Variants in GRIK2 observed in about 807,000 individuals in gnomAD.
GRIK2 encodes glutamate receptor ionotropic, kainate 2.
GRIK2 carries 32 observed loss-of-function variants against 100.3 expected under a neutral mutation model. That is an observed-to-expected ratio of 0.32 (90% CI 0.24 to 0.43). GRIK2 has a LOEUF of 0.43. Among genes scored for constraint, GRIK2 ranks in the 20% least tolerant of loss-of-function variants. The pLI, the probability that GRIK2 is intolerant of heterozygous loss-of-function variation, is 1.00. For missense variants in GRIK2, 843 were observed against 1,114.9 expected (o/e 0.76, Z 3.47); for synonymous variants, 417 against 389.4 (o/e 1.07, Z -0.83).
rs571052202 is a variant in GRIK2, at chr6:101,785,781, G to C, written c.952-13867G>C. On this transcript the variant is annotated intron_variant, in intron 7 of 16. Transcript: ENST00000369134. ...CTTCAGCTTTTTTTCTTTTTGCTCAGGATTGCTTTGGTTATTCAGGCTGTT... is the reference window on the plus strand; with the variant it reads ...CTTCAGCTTTTTTTCTTTTTGCTCACGATTGCTTTGGTTATTCAGGCTGTT... 2.4e-3 allele frequency among the ~76,000 whole-genome samples: 361 copies of C among 151,872 alleles called. 2 individuals carry two copies. The highest frequency in any genetic ancestry group is 0.013 in the South Asian group (62 of 4,814).
At chr6:101,522,338 A>G (rs2518247) in intron 2 of GRIK2, among the ~76,000 whole-genome samples, 1 of 151,956 alleles carries the variant, frequency 6.6e-6, no homozygotes, top group Non-Finnish European at 1.5e-5. Flanking sequence ...ATTAATCCAG[A>G]TAGGTTATGT....
At chr6:101,979,695 T>C (rs1198589174) in intron 14 of GRIK2, among the ~76,000 whole-genome samples, 2 of 151,970 alleles carry the variant, frequency 1.3e-5, no homozygotes. Flanking sequence ...TCTTCTAGCA[T>C]GCACACCCCC....
chr6:101,823,954 G>A (rs1782141162), intron 10 of GRIK2, among the ~76,000 whole-genome samples: 1 of 148,434 alleles, frequency 6.7e-6, no homozygotes, highest in South Asian at 2.2e-4. Flanking sequence ...TGCAACCTCC[G>A]CCTCCCATGT....
chr6:101,754,382 T>C (rs867453255), intron 7 of GRIK2, among the ~76,000 whole-genome samples: 7 of 152,324 alleles, frequency 4.6e-5, no homozygotes, highest in Middle Eastern at 3.4e-3. Context: ...AACAAAGCTA[T>C]TATGTTGTAG....
At chr6:101,463,475 G>T (rs1029762883) in intron 2 of GRIK2, among the ~76,000 whole-genome samples, 1 of 152,048 alleles carries the variant, frequency 6.6e-6, no homozygotes, top group Admixed American at 6.5e-5. Flanking sequence ...AATATAAATT[G>T]TATTTTTATT....
intron 2 of GRIK2, among the ~76,000 whole-genome samples, chr6:101,616,469 G>T (rs1337421): frequency 1.3e-5 from 2 of 151,588 alleles, no homozygotes; most frequent in African/African-American, 4.8e-5. Flanking sequence ...ATTTTGTCAT[G>T]AAATACCTTC....
chr6:101,655,281 G>C (rs769619545), intron 4 of GRIK2, among the ~76,000 whole-genome samples: 1 of 152,106 alleles, frequency 6.6e-6, no homozygotes, highest in Non-Finnish European at 1.5e-5. Flanking sequence ...GGTGGAGTAA[G>C]AATTTTTTGT....
At chr6:101,665,960 T>G (rs1032196838) in intron 4 of GRIK2, among the ~76,000 whole-genome samples, 1 of 152,132 alleles carries the variant, frequency 6.6e-6, no homozygotes, top group African/African-American at 2.4e-5. Context: ...GTTTGTAGTA[T>G]CTATTAATCA....
chr6:101,961,080 C>T (rs1020076766), intron 14 of GRIK2, among the ~76,000 whole-genome samples: 1 of 152,150 alleles, frequency 6.6e-6, no homozygotes, highest in African/African-American at 2.4e-5. Flanking sequence ...CCATGTTTCT[C>T]CCAGTTCCAC....
At chr6:101,715,822 G>C (rs774570100) in intron 7 of GRIK2, among the ~76,000 whole-genome samples, 5 of 151,818 alleles carry the variant, frequency 3.3e-5, no homozygotes, top group Admixed American at 2.0e-4. Context: ...CTCCAGTTTA[G>C]TTTATAAACC....
intron 4 of GRIK2, among the ~76,000 whole-genome samples, chr6:101,656,233 G>A (rs747725324): frequency 1.3e-5 from 2 of 151,046 alleles, no homozygotes; most frequent in Admixed American, 6.6e-5. Context: ...AACCTGGGAG[G>A]CAGAGGTTGC....
At chr6:101,440,186 T>C in intron 2 of GRIK2, among the ~76,000 whole-genome samples, 1 of 152,004 alleles carries the variant, frequency 6.6e-6, no homozygotes, top group East Asian at 1.9e-4. Flanking sequence ...TGAAAAAGAA[T>C]CTACTAAAAC....
intron 2 of GRIK2, among the ~76,000 whole-genome samples, chr6:101,615,572 A>T (rs2128314557): frequency 6.6e-6 from 1 of 151,942 alleles, no homozygotes; most frequent in Admixed American, 6.6e-5. Context: ...TCCATCAAAC[A>T]TGATTTATGA....
intron 12 of GRIK2, among the ~76,000 whole-genome samples, chr6:101,894,844 G>A (rs1300990518): frequency 6.6e-6 from 1 of 151,246 alleles, no homozygotes; most frequent in Non-Finnish European, 1.5e-5. Flanking sequence ...TTCATTATTG[G>A]TCTAGGGTTC....
intron 7 of GRIK2, among the ~76,000 whole-genome samples, chr6:101,724,164 C>T (rs983274544): frequency 8.1e-6 from 1 of 122,776 alleles, no homozygotes; most frequent in African/African-American, 3.7e-5. Context: ...TCCACCCTTG[C>T]CTTAGGTATA....
At chr6:101,772,451 C>A (rs761067734) in intron 7 of GRIK2, among the ~76,000 whole-genome samples, 23 of 152,136 alleles carry the variant, frequency 1.5e-4, no homozygotes, top group Non-Finnish European at 3.2e-4. Context: ...TTACTAGGAC[C>A]ATACTCCTGG....
intron 5 of GRIK2, among the ~76,000 whole-genome samples, chr6:101,681,404 A>ATTTT (rs149557882): frequency 1.8e-5 from 2 of 111,940 alleles, no homozygotes; most frequent in South Asian, 2.8e-4. Flanking sequence ...TTTCTTTTCT[A>ATTTT]TTTTTTTTTT....
intron 5 of GRIK2, among the ~76,000 whole-genome samples, chr6:101,678,385 A>G: frequency 6.6e-6 from 1 of 152,270 alleles, no homozygotes; most frequent in East Asian, 1.9e-4. Flanking sequence ...TTAAATACAT[A>G]TAACAGAAAA....
intron 2 of GRIK2, among the ~76,000 whole-genome samples, chr6:101,535,565 C>T (rs888278867): frequency 3.3e-5 from 5 of 151,608 alleles, no homozygotes; most frequent in Non-Finnish European, 7.4e-5. Flanking sequence ...TACCAATGCT[C>T]TTATTTCAGT....
Sources: allele counts gnomAD v4.1 joint callset (sites outside exome capture counted in the v4.1 genomes callset), GRCh38; gene constraint gnomAD v4.1.1; transcripts MANE v1.5; gene names NCBI Gene and HGNC (gene_info 2026-07-23, HGNC 2026-07-21).